The following CDH4 variants were observed in gnomAD, a reference collection of about 807,000 sequenced individuals.
CDH4 encodes cadherin-4.
A neutral mutation model predicts 86.0 loss-of-function variants in CDH4; 33 were observed. That is an observed-to-expected ratio of 0.38 (90% CI 0.29 to 0.51). The LOEUF is 0.51. Among genes scored for constraint, CDH4 ranks in the 20% least tolerant of loss-of-function variants. The pLI, the probability that CDH4 is intolerant of heterozygous loss-of-function variation, is 0.86. For synonymous variants in CDH4, 555 were observed against 549.4 expected, an observed-to-expected ratio of 1.01 and a Z score of -0.14; for missense variants, 1,114 against 1,307.4, an observed-to-expected ratio of 0.85 and a Z score of 2.28.
At chr20:61,565,092 T>TTGGTGGTGGTGGTGGTGGTGGTGGTGG (rs1555809025) in intron 2 of CDH4, among the ~76,000 whole-genome samples, 1 of 63,800 alleles carries the variant, frequency 1.6e-5, no homozygotes, top group Non-Finnish European at 3.0e-5. Flanking sequence ...GGTGGTGCTC[T>TTGGTGGTGGTGGTGGTGGTGGTGGTGG]TGGTGGTGCT....
At chr20:61,305,092 A>T (rs753202787) in intron 2 of CDH4, among the ~76,000 whole-genome samples, 17 of 149,950 alleles carry the variant, frequency 1.1e-4, no homozygotes, top group Non-Finnish European at 2.2e-4. Flanking sequence ...TTGTGTATGC[A>T]CTGTGTGTGT....
intron 4 of CDH4, among the ~76,000 whole-genome samples, chr20:61,834,678 G>A (rs1981784736): frequency 1.3e-5 from 2 of 152,214 alleles, no homozygotes; most frequent in Admixed American, 6.5e-5. Flanking sequence ...CTCTGAGGGC[G>A]AACACGCTGC....
At chr20:61,552,808 A>G (rs540930049) in intron 2 of CDH4, among the ~76,000 whole-genome samples, 10 of 152,226 alleles carry the variant, frequency 6.6e-5, no homozygotes, top group African/African-American at 2.4e-4. Context: ...GGATGTGGAG[A>G]CATTGGAACC....
intron 4 of CDH4, among the ~76,000 whole-genome samples, chr20:61,830,764 G>C (rs922492718): frequency 1.3e-5 from 2 of 152,238 alleles, no homozygotes; most frequent in Admixed American, 6.5e-5. Context: ...TTCACTCCGC[G>C]GTCATTTACT....
chr20:61,380,653 C>G (rs536298395), intron 2 of CDH4, among the ~76,000 whole-genome samples: 37 of 152,228 alleles, frequency 2.4e-4, no homozygotes, highest in Admixed American at 5.9e-4. Flanking sequence ...CTGTCATTCA[C>G]AAACTCAGAC....
intron 4 of CDH4, among the ~76,000 whole-genome samples, chr20:61,819,429 T>C (rs1980903518): frequency 6.6e-6 from 1 of 151,870 alleles, no homozygotes; most frequent in East Asian, 1.9e-4. Context: ...CCGGGAGCGT[T>C]CCATGCATTC....
intron 3 of CDH4, among the ~76,000 whole-genome samples, chr20:61,749,090 A>C (rs1436201496): frequency 6.6e-6 from 1 of 152,242 alleles, no homozygotes; most frequent in Non-Finnish European, 1.5e-5. Context: ...GACTCTGTTA[A>C]TATCAGATGA....
intron 2 of CDH4, among the ~76,000 whole-genome samples, chr20:61,618,813 G>T (rs1337356812): frequency 6.6e-6 from 1 of 152,228 alleles, no homozygotes; most frequent in Non-Finnish European, 1.5e-5. Flanking sequence ...ATGGCAAGTG[G>T]TGAATTCAGA....
At chr20:61,454,319 T>C (rs1250900369) in intron 2 of CDH4, among the ~76,000 whole-genome samples, 1 of 152,050 alleles carries the variant, frequency 6.6e-6, no homozygotes, top group South Asian at 2.1e-4. Flanking sequence ...GGGTGAACTT[T>C]GTTATGGGGA....
At chr20:61,280,819 C>T (rs1371039548) in intron 2 of CDH4, among the ~76,000 whole-genome samples, 2 of 152,086 alleles carry the variant, frequency 1.3e-5, no homozygotes, top group East Asian at 3.9e-4. Flanking sequence ...TTTCGATGCT[C>T]TTGAGTCCCT....
chr20:61,873,452 C>T (rs902782420), intron 6 of CDH4, among the ~76,000 whole-genome samples: 4 of 152,250 alleles, frequency 2.6e-5, no homozygotes, highest in Admixed American at 1.3e-4. Flanking sequence ...CTTCCTCCTC[C>T]GAGGCCTGGT....
chr20:61,777,932 G>A (rs911212024), intron 4 of CDH4, among the ~76,000 whole-genome samples: 1 of 147,304 alleles, frequency 6.8e-6, no homozygotes, highest in Non-Finnish European at 1.5e-5. Context: ...GTGCATACAC[G>A]TGCATACTAT....
At chr20:61,293,068 G>A (rs935693241) in intron 2 of CDH4, among the ~76,000 whole-genome samples, 17 of 152,158 alleles carry the variant, frequency 1.1e-4, no homozygotes, top group African/African-American at 4.1e-4. Context: ...TCCCCTGAGT[G>A]TAGCCACTTC....
intron 2 of CDH4, among the ~76,000 whole-genome samples, chr20:61,484,086 C>T (rs207477697): frequency 6.6e-6 from 1 of 152,074 alleles, no homozygotes; most frequent in Non-Finnish European, 1.5e-5. Flanking sequence ...TAGCCTTCGT[C>T]AAGTCCTACT....
chr20:61,431,467 C>A (rs1437392742), intron 2 of CDH4, among the ~76,000 whole-genome samples: 2 of 150,924 alleles, frequency 1.3e-5, no homozygotes, highest in Admixed American at 1.3e-4. Flanking sequence ...TCAAGTGATC[C>A]TCCCACCTCA....
At position 61,517,546 on chromosome 20, in the gene CDH4, C is replaced by T. The variant is rs934665629; in HGVS notation, c.170-226017C>T. Among the ~76,000 whole-genome samples, 1 of 152,116 alleles carries T rather than the reference C, an allele frequency of 6.6e-6. No homozygotes were observed. The highest frequency in any genetic ancestry group is 1.5e-5 in the Non-Finnish European group (1 of 68,030). On this transcript the variant is annotated intron_variant, in intron 2 of 15. Transcript: ENST00000614565. The surrounding 1 kb of genome is among the most constrained non-coding windows in gnomAD (Gnocchi z 6.6). ...TAAGAGTCAGACTTGTTTATAGTCC[C>T]CCCAGTGGAGGATGAATTCAAGCAC...
At chr20:61,702,421 C>T (rs945042802) in intron 2 of CDH4, among the ~76,000 whole-genome samples, 2 of 152,198 alleles carry the variant, frequency 1.3e-5, no homozygotes, top group Non-Finnish European at 2.9e-5. Context: ...CCACACAAAA[C>T]ATTGCTCTGT....
intron 2 of CDH4, among the ~76,000 whole-genome samples, chr20:61,429,874 AG>A (rs1211986297): frequency 3.3e-5 from 5 of 152,222 alleles, no homozygotes; most frequent in Non-Finnish European, 7.3e-5. Context: ...ATTTTCAAAA[AG>A]CGCTACATCT....
chr20:61,593,842 G>C (rs1034652196), intron 2 of CDH4, among the ~76,000 whole-genome samples: 9 of 151,348 alleles, frequency 5.9e-5, no homozygotes, highest in East Asian at 2.0e-4. Flanking sequence ...TGTAACATTC[G>C]TTGAGGTGCG....
Sources: gnomAD v4.1 joint callset for allele counts (sites outside exome capture counted in the v4.1 genomes callset) on GRCh38, gnomAD v4.1.1 for gene constraint, Gnocchi (gnomAD v3.1) non-coding constraint, MANE v1.5 for transcripts, NCBI Gene and HGNC (gene_info 2026-07-23, HGNC 2026-07-21) for gene names.